Variants in HERC3 observed in about 807,000 individuals in gnomAD.
The protein encoded by HERC3 is probable E3 ubiquitin-protein ligase HERC3.
In HERC3, 58 loss-of-function variants were observed where a neutral mutation model predicts 129.9. The ratio of observed to expected loss-of-function variants is 0.45; its 90% CI spans 0.36 to 0.56. The LOEUF (loss-of-function observed/expected upper bound fraction) is 0.56, where lower values mean the gene tolerates loss of function less well. HERC3 is among the 20% of genes least tolerant of loss of function. The pLI is 0.00. For missense variants in HERC3, 835 were observed against 1,244.2 expected, an observed-to-expected ratio of 0.67 and a Z score of 4.95; for synonymous variants, 430 against 451.0, an observed-to-expected ratio of 0.95 and a Z score of 0.59.
intron 3 of HERC3, among the ~76,000 whole-genome samples, chr4:88,627,429 T>A (rs1354891097): frequency 6.6e-6 from 1 of 152,158 alleles, no homozygotes; most frequent in Non-Finnish European, 1.5e-5. Flanking sequence ...ATTTAGAGAT[T>A]ATTTGAAGTA....
chr4:88,555,595 C>A, the HERC3 span, among the ~76,000 whole-genome samples: 1 of 152,058 alleles, frequency 6.6e-6, no homozygotes, highest in Non-Finnish European at 1.5e-5. Context: ...ATAAAAGGTT[C>A]TTTTAAAAAG....
At chr4:88,565,384 T>C in the HERC3 span, among the ~76,000 whole-genome samples, 1 of 152,180 alleles carries the variant, frequency 6.6e-6, no homozygotes, top group South Asian at 2.1e-4. Flanking sequence ...TCTTTAGCTA[T>C]AATAATGTTT....
intron 11 of HERC3, among the ~76,000 whole-genome samples, chr4:88,663,042 T>A (rs1355056153): frequency 6.6e-6 from 1 of 152,102 alleles, no homozygotes; most frequent in Non-Finnish European, 1.5e-5. Context: ...AGAGCTTTTA[T>A]CAAATTTAAA....
Position 88,706,846 on chromosome 4 carries a change from G to A in HERC3, c.3039G>A (p.Pro1013=), listed in dbSNP as rs147857680. The A allele has an allele frequency of 1.5e-5, 24 of 1,613,992 alleles. No homozygotes were observed. Among genetic ancestry groups the A allele is most frequent in the South Asian group, 2.2e-5 (2 of 91,086 alleles). ...CAGCCAGCGGGGAGGAGTACTTGCCGGTGGCCCACACTTGCTACAACCTTC... is the reference window on the plus strand; with the variant it reads ...CAGCCAGCGGGGAGGAGTACTTGCCAGTGGCCCACACTTGCTACAACCTTC... The part of the protein sequence containing the change: ...QSTASGEEYL[P]VAHTCYNLLD... The change falls in exon 26 of 26, where the codon CCG becomes CCA. Residue 1013 remains proline, a synonymous_variant. Coordinates refer to ENST00000402738, the MANE Select transcript of HERC3 (RefSeq NM_014606.3).
At chr4:88,654,369 T>C (rs993262584) in intron 7 of HERC3, among the ~76,000 whole-genome samples, 1 of 126,714 alleles carries the variant, frequency 7.9e-6, no homozygotes, top group Admixed American at 7.6e-5. Context: ...TATATATATA[T>C]ATATATATAT....
At chr4:88,625,974 C>T (rs904108652) in intron 3 of HERC3, among the ~76,000 whole-genome samples, 1 of 151,986 alleles carries the variant, frequency 6.6e-6, no homozygotes, top group Non-Finnish European at 1.5e-5. Flanking sequence ...TTAAGCCAAC[C>T]TCTCATTCCT....
At chr4:88,654,364 AT>A (rs1729633702) in intron 7 of HERC3, among the ~76,000 whole-genome samples, 1 of 79,274 alleles carries the variant, frequency 1.3e-5, no homozygotes, top group Non-Finnish European at 2.3e-5. Context: ...ATATATATAT[AT>A]ATATATATAT....
In HERC3 at chr4:88,675,326, C is replaced by T. The variant is rs957647272; in HGVS notation, c.1912-892C>T. On this transcript the variant is annotated intron_variant, in intron 16 of 25. Coordinates refer to ENST00000402738, the MANE Select transcript of HERC3 (RefSeq NM_014606.3). ...TCTCTCTTTTCTCACTACACCTGGA[C>T]GATTAAATAATAACATGATGCCAAT... Among the ~76,000 whole-genome samples, 8 of 152,226 alleles carry T rather than the reference C, an allele frequency of 5.3e-5. No homozygotes were observed. The South Asian group carries it at 6.2e-4, about 12-fold the overall frequency.
the HERC3 span, among the ~76,000 whole-genome samples, chr4:88,555,392 T>A: frequency 6.6e-6 from 1 of 152,306 alleles, no homozygotes; most frequent in Non-Finnish European, 1.5e-5. Context: ...TTAAATGTAG[T>A]GGAGTATGAC....
chr4:88,593,942 C>T (rs73844017), intron 1 of HERC3, among the ~76,000 whole-genome samples: 2 of 152,272 alleles, frequency 1.3e-5, no homozygotes, highest in African/African-American at 4.8e-5. Context: ...GATTGCATAT[C>T]CTAAAGCAAA....
intron 3 of HERC3, among the ~76,000 whole-genome samples, chr4:88,645,167 G>A (rs1325936937): frequency 1.3e-5 from 2 of 152,132 alleles, no homozygotes; most frequent in African/African-American, 4.8e-5. Flanking sequence ...AGAAAAAGCA[G>A]TCAGGAGAGC....
rs115189675 is a variant in HERC3, at chr4:88,666,328, C to T, written c.1332-1049C>T. 4.9e-3 allele frequency among the ~76,000 whole-genome samples: 744 copies of T among 152,120 alleles called. 10 individuals carry two copies. The highest frequency in any genetic ancestry group is 0.017 in the African/African-American group (709 of 41,500). ...GACCAGATTTACAAAGCAATAAATA[C>T]GTATAGATAAAACATTTTGTTTTTG... On this transcript the variant is annotated intron_variant, in intron 12 of 25. Transcript: ENST00000402738.
At chr4:88,632,412 C>T (rs1275574476) in intron 3 of HERC3, among the ~76,000 whole-genome samples, 1 of 152,124 alleles carries the variant, frequency 6.6e-6, no homozygotes, top group Admixed American at 6.5e-5. Context: ...ATAGGAAAAA[C>T]CAGGAAAATT....
the HERC3 span, among the ~76,000 whole-genome samples, chr4:88,539,331 C>T: frequency 6.6e-6 from 1 of 152,156 alleles, no homozygotes. Context: ...GCACAGCAGT[C>T]TGAAATCAAC....
chr4:88,560,469 A>T, the HERC3 span, among the ~76,000 whole-genome samples: 1 of 151,432 alleles, frequency 6.6e-6, no homozygotes, highest in East Asian at 1.9e-4. Flanking sequence ...TAGGTTCTTT[A>T]TAAATGTTGA....
chr4:88,690,031 T>C (rs1173342106), intron 23 of HERC3: 15 of 985,278 alleles, frequency 1.5e-5, no homozygotes, highest in South Asian at 1.4e-4. Context: ...AGTGAAATGA[T>C]GCAGAAGCCA....
At chr4:88,617,542 A>G (rs1479478363) in intron 3 of HERC3, among the ~76,000 whole-genome samples, 2 of 152,216 alleles carry the variant, frequency 1.3e-5, no homozygotes, top group African/African-American at 4.8e-5. Context: ...CAAGTTCTAC[A>G]TTCTGCCTAT....
upstream of HERC3, among the ~76,000 whole-genome samples, chr4:88,589,813 TGTTCTATGTAA>T (rs1368470603): frequency 1.6e-4 from 24 of 152,338 alleles, no homozygotes; most frequent in Admixed American, 7.2e-4. Context: ...GTATCTTTAC[TGTTCTATGTAA>T]GTTCTATGTA....
At chr4:88,561,981 A>G in the HERC3 span, among the ~76,000 whole-genome samples, 1 of 152,178 alleles carries the variant, frequency 6.6e-6, no homozygotes, top group Non-Finnish European at 1.5e-5. Flanking sequence ...TTTGGAATGT[A>G]CTGATTTCCA....
Sources: allele counts gnomAD v4.1 joint callset (sites outside exome capture counted in the v4.1 genomes callset), GRCh38; gene constraint gnomAD v4.1.1; transcripts MANE v1.5; gene names NCBI Gene and HGNC (gene_info 2026-07-23, HGNC 2026-07-21).